SETBP1: variants seen among roughly 807,000 people sequenced by gnomAD.
SETBP1 encodes SET-binding protein.
In SETBP1, 9 loss-of-function variants were observed where a neutral mutation model predicts 101.0. The ratio of observed to expected loss-of-function variants is 0.09; its 90% CI spans 0.05 to 0.16. The LOEUF (loss-of-function observed/expected upper bound fraction) is 0.16. SETBP1 is among the 10% of genes least tolerant of loss of function. The pLI is 1.00. For synonymous variants in SETBP1, 818 were observed against 788.5 expected (o/e 1.04, Z -0.63); for missense variants, 1,858 against 2,033.8 (o/e 0.91, Z 1.66).
At chr18:45,036,719 G>A (rs894172611) in intron 4 of SETBP1, among the ~76,000 whole-genome samples, 4 of 152,242 alleles carry the variant, frequency 2.6e-5, no homozygotes, top group African/African-American at 9.6e-5. Context: ...ATAGGAGGAA[G>A]GAAGGAGGTA....
At chr18:45,051,636 T>C (rs1280553958) in intron 5 of SETBP1, among the ~76,000 whole-genome samples, 1 of 152,200 alleles carries the variant, frequency 6.6e-6, no homozygotes, top group African/African-American at 2.4e-5. Flanking sequence ...TCTCTCTCCC[T>C]CTAATGTATA....
chr18:45,006,297 C>G (rs965423856), intron 4 of SETBP1, among the ~76,000 whole-genome samples: 3 of 152,122 alleles, frequency 2.0e-5, no homozygotes, highest in African/African-American at 7.2e-5. Flanking sequence ...ACTCAGCACC[C>G]CTACTTCATA....
At chr18:44,955,899 C>T (rs1362686646) in intron 4 of SETBP1, among the ~76,000 whole-genome samples, 4 of 152,180 alleles carry the variant, frequency 2.6e-5, no homozygotes, top group African/African-American at 7.2e-5. Context: ...AGAAGACACT[C>T]GTTTATTCAA....
At position 44,882,604 on chromosome 18, in the gene SETBP1, G is replaced by A. The variant is rs145404141; in HGVS notation, c.540+13321G>A. On this transcript the variant is annotated intron_variant, in intron 3 of 5. Coordinates refer to ENST00000649279, the MANE Select transcript of SETBP1 (RefSeq NM_015559.3). ...TCCAAATTCAAAAGCAGCTTCCATT[G>A]CCTCCTAGTGAGTGACTCTTGGACT... is the stretch of plus-strand genomic sequence containing the variant. Among the ~76,000 whole-genome samples the A allele has an allele frequency of 5.2e-3, 796 of 151,800 alleles. 8 individuals are homozygous for A. The highest frequency in any genetic ancestry group is 0.018 in the African/African-American group (740 of 41,348).
chr18:45,005,456 G>A (rs1040243951), intron 4 of SETBP1, among the ~76,000 whole-genome samples: 3 of 152,086 alleles, frequency 2.0e-5, no homozygotes, highest in Non-Finnish European at 1.5e-5. Flanking sequence ...GCATCCAGAA[G>A]GTATACACTG....
intron 2 of SETBP1, among the ~76,000 whole-genome samples, chr18:44,755,559 G>C (rs2070473825): frequency 6.6e-6 from 1 of 151,564 alleles, no homozygotes. Context: ...ACTTACAGCA[G>C]CCTCCTGAGT....
chr18:44,926,259 T>G (rs913680658), intron 3 of SETBP1, among the ~76,000 whole-genome samples: 2 of 152,140 alleles, frequency 1.3e-5, no homozygotes, highest in African/African-American at 4.8e-5. Flanking sequence ...GGAAGGTGGT[T>G]TCTGTTGACC....
At chr18:44,926,098 T>C (rs1419017208) in intron 3 of SETBP1, among the ~76,000 whole-genome samples, 1 of 152,152 alleles carries the variant, frequency 6.6e-6, no homozygotes, top group Admixed American at 6.6e-5. Context: ...GAGGGGGGTC[T>C]CACTCTGTCA....
intron 2 of SETBP1, among the ~76,000 whole-genome samples, chr18:44,861,248 T>C (rs992305454): frequency 7.2e-6 from 1 of 138,022 alleles, no homozygotes; most frequent in African/African-American, 2.7e-5. Context: ...TTTTTTTTTT[T>C]TTTTTTTTGA....
chr18:44,834,953 G>C (rs957560370), intron 2 of SETBP1, among the ~76,000 whole-genome samples: 1 of 152,186 alleles, frequency 6.6e-6, no homozygotes, highest in Admixed American at 6.5e-5. Flanking sequence ...AGAGGAAAGA[G>C]GAAAGGGTAT....
intron 4 of SETBP1, among the ~76,000 whole-genome samples, chr18:44,954,135 C>G (rs1221996020): frequency 6.6e-6 from 1 of 152,094 alleles, no homozygotes; most frequent in African/African-American, 2.4e-5. Flanking sequence ...TATTCCTTGT[C>G]AGTTGCTGGC....
At chr18:44,888,677 C>T (rs1010806709) in intron 3 of SETBP1, among the ~76,000 whole-genome samples, 2 of 152,078 alleles carry the variant, frequency 1.3e-5, no homozygotes, top group Non-Finnish European at 2.9e-5. Flanking sequence ...CTGTCATTGA[C>T]ATGGCCACAG....
chr18:44,856,470 T>G (rs2072979319), intron 2 of SETBP1, among the ~76,000 whole-genome samples: 1 of 152,240 alleles, frequency 6.6e-6, no homozygotes, highest in African/African-American at 2.4e-5. Context: ...TTCATTGTTG[T>G]TGGGATGATT....
chr18:44,908,672 G>A (rs563050656), intron 3 of SETBP1, among the ~76,000 whole-genome samples: 1 of 152,148 alleles, frequency 6.6e-6, no homozygotes, highest in South Asian at 2.1e-4. Context: ...GCTATTCTAG[G>A]TCCATGGCAT....
intron 3 of SETBP1, among the ~76,000 whole-genome samples, chr18:44,929,543 G>A (rs9675835): frequency 0.52 from 78,650 of 151,440 alleles, 20,621 homozygotes; most frequent in East Asian, 0.73. Flanking sequence ...CCATTCTCAC[G>A]ATATTGATTC....
chr18:44,700,309 C>T (rs2069094621), intron 1 of SETBP1, among the ~76,000 whole-genome samples: 1 of 152,132 alleles, frequency 6.6e-6, no homozygotes, highest in South Asian at 2.1e-4. Context: ...GGACTCCTGA[C>T]ACTTCCACAG....
intron 2 of SETBP1, among the ~76,000 whole-genome samples, chr18:44,818,902 T>C (rs2072043118): frequency 6.6e-6 from 1 of 152,032 alleles, no homozygotes; most frequent in Non-Finnish European, 1.5e-5. Context: ...TTGCTTTCGC[T>C]TACCATGGTT....
At chr18:44,713,338 C>CGG (rs569058546) in intron 2 of SETBP1, among the ~76,000 whole-genome samples, 114 of 151,654 alleles carry the variant, frequency 7.5e-4, no homozygotes, top group African/African-American at 2.7e-3. Flanking sequence ...AAGGCCTTCA[C>CGG]GGGGGGGGAC....
chr18:44,957,640 G>T (rs539016136), intron 4 of SETBP1, among the ~76,000 whole-genome samples: 1 of 152,222 alleles, frequency 6.6e-6, no homozygotes, highest in Non-Finnish European at 1.5e-5. Context: ...TATCAGCACT[G>T]TGGAAATTTG....
Sources: allele counts gnomAD v4.1 joint callset (sites outside exome capture counted in the v4.1 genomes callset), GRCh38; gene constraint gnomAD v4.1.1; transcripts MANE v1.5; gene names NCBI Gene and HGNC (gene_info 2026-07-23, HGNC 2026-07-21).